Variants in C2CD3 observed in about 807,000 individuals in gnomAD.
C2CD3 encodes the protein C2 domain containing 3 centriole elongation regulator.
C2CD3 carries 148 observed loss-of-function variants against 234.0 expected under a neutral mutation model. That is an observed-to-expected ratio of 0.63 (90% CI 0.55 to 0.72). The LOEUF is 0.72. Ranked by LOEUF, C2CD3 falls within the 30% of genes least tolerant of loss-of-function variation. The pLI is 0.00. For synonymous variants in C2CD3, 1,000 were observed against 1,035.4 expected, an observed-to-expected ratio of 0.97 and a Z score of 0.66; for missense variants, 2,577 against 2,811.5, an observed-to-expected ratio of 0.92 and a Z score of 1.89.
chr11:74,086,110 G>A (rs550665946), intron 20 of C2CD3, among the ~76,000 whole-genome samples: 1 of 152,262 alleles, frequency 6.6e-6, no homozygotes, highest in East Asian at 1.9e-4. Context: ...GCCCATCAGA[G>A]TGACTCTGAG....
intron 20 of C2CD3, among the ~76,000 whole-genome samples, chr11:74,090,050 G>A (rs1211911714): frequency 6.6e-6 from 1 of 152,154 alleles, no homozygotes; most frequent in Non-Finnish European, 1.5e-5. Flanking sequence ...GCAAGACAAA[G>A]GCCTTGAGAG....
intron 12 of C2CD3, 102 bp downstream of exon 12, chr11:74,108,932 G>T: frequency 3.0e-6 from 2 of 670,204 alleles, no homozygotes; most frequent in South Asian, 1.8e-5. Flanking sequence ...TATTAGTACT[G>T]CCTGCACCTG....
chr11:74,121,085 A>G (rs1295033099), intron 8 of C2CD3, among the ~76,000 whole-genome samples: 7 of 152,048 alleles, frequency 4.6e-5, no homozygotes, highest in African/African-American at 1.7e-4. Context: ...TAAAGGGTAT[A>G]AGTGGGAGAT....
Position 74,028,268 on chromosome 11 carries a change from C to A in C2CD3, c.6921+19G>T. The A allele has an allele frequency of 6.7e-7, 1 of 1,485,928 alleles. No individual in the cohort carries two copies. The highest frequency in any genetic ancestry group is 1.2e-5 in the South Asian group (1 of 82,900). 92.0% of individuals were successfully genotyped at this position (1,485,928 alleles called of 1,614,324 possible). On this transcript the variant is annotated intron_variant, in intron 32 of 32. Transcript: ENST00000334126. ...GATGATGACTCTATAGAAGAAAGGT[C>A]AGTTGGCCATTCTCTTACCTGATCT...
intron 11 of C2CD3, among the ~76,000 whole-genome samples, chr11:74,113,041 T>C (rs1956797244): frequency 6.6e-6 from 1 of 152,112 alleles, no homozygotes; most frequent in South Asian, 2.1e-4. Context: ...GAAGTGGAAA[T>C]AACACGAATG....
intron 24 of C2CD3, among the ~76,000 whole-genome samples, chr11:74,063,770 G>A (rs1035623428): frequency 6.6e-6 from 1 of 152,144 alleles, no homozygotes; most frequent in Admixed American, 6.5e-5. Context: ...GTAAGTTCAG[G>A]CCAGGGCAAT....
At chr11:74,084,809 GAGA>G (rs1191133106) in intron 22 of C2CD3, 69 bp downstream of exon 22, 30 of 896,882 alleles carry the variant, frequency 3.3e-5, no homozygotes, top group South Asian at 6.7e-5. Flanking sequence ...ATGAGAGACA[GAGA>G]AGATTACCTC....
intron 3 of C2CD3, among the ~76,000 whole-genome samples, chr11:74,158,658 G>A (rs1856208299): frequency 6.6e-6 from 1 of 151,820 alleles, no homozygotes; most frequent in Non-Finnish European, 1.5e-5. Context: ...GGAGGCGGAG[G>A]TTGTGGGGAG....
chr11:74,163,760 G>T (rs1005112440), intron 2 of C2CD3, among the ~76,000 whole-genome samples: 1 of 152,172 alleles, frequency 6.6e-6, no homozygotes, highest in East Asian at 1.9e-4. Flanking sequence ...AGCAGCATGA[G>T]AATGGACTAA....
chr11:74,065,728 C>G (rs1489456311), intron 24 of C2CD3, among the ~76,000 whole-genome samples: 1 of 149,546 alleles, frequency 6.7e-6, no homozygotes, highest in Non-Finnish European at 1.5e-5. Context: ...GAATACTATG[C>G]AGCCATAAAA....
chr11:74,017,129 C>G (rs548144934), intron 32 of C2CD3, among the ~76,000 whole-genome samples: 11 of 152,210 alleles, frequency 7.2e-5, no homozygotes, highest in Non-Finnish European at 1.5e-4. Flanking sequence ...CAAGACAAAC[C>G]TATTACTAGA....
chr11:74,073,135 T>C (rs1445832450), intron 24 of C2CD3, among the ~76,000 whole-genome samples: 1 of 152,188 alleles, frequency 6.6e-6, no homozygotes, highest in Non-Finnish European at 1.5e-5. Context: ...GCAAGGTCTA[T>C]GGGCCTCTTC....
Position 74,150,121 on chromosome 11 carries a change from C to T in C2CD3, c.484-10293G>A, listed in dbSNP as rs370350842. On this transcript the variant is annotated intron_variant, in intron 3 of 32. Coordinates refer to ENST00000334126, the MANE Select transcript of C2CD3 (RefSeq NM_001286577.2). ...AACTTGCTGAAAGTCTGCTTTCATC[C>T]ACTATGTTGTACTTAATGGACACTT... Among the ~76,000 whole-genome samples the T allele has an allele frequency of 1.4e-3, 210 of 151,176 alleles. 3 individuals are homozygous for T. In the South Asian group the frequency reaches 0.042, roughly 30 times the overall value.
At chr11:74,109,938 G>A (rs1464411252) in intron 11 of C2CD3, among the ~76,000 whole-genome samples, 2 of 145,844 alleles carry the variant, frequency 1.4e-5, no homozygotes, top group Non-Finnish European at 3.0e-5. Context: ...AAAATTAGCT[G>A]GGCGCAGTGG....
chr11:74,064,922 G>C (rs1954435185), intron 24 of C2CD3, among the ~76,000 whole-genome samples: 1 of 152,130 alleles, frequency 6.6e-6, no homozygotes, highest in African/African-American at 2.4e-5. Flanking sequence ...ATTAATTCAA[G>C]ATGGATTAAA....
At chr11:74,046,000 C>T (rs947577841) in intron 28 of C2CD3, among the ~76,000 whole-genome samples, 3 of 152,064 alleles carry the variant, frequency 2.0e-5, no homozygotes, top group East Asian at 1.9e-4. Context: ...CACATAAACC[C>T]GTTTGGGTCA....
chr11:74,089,753 C>A (rs1037744807), intron 20 of C2CD3, among the ~76,000 whole-genome samples: 13 of 152,168 alleles, frequency 8.5e-5, no homozygotes, highest in African/African-American at 2.9e-4. Context: ...GAGGAACTCA[C>A]AGCCTAGTGG....
chr11:74,165,336 T>G (rs1318736219), intron 2 of C2CD3, among the ~76,000 whole-genome samples: 1 of 152,172 alleles, frequency 6.6e-6, no homozygotes. Context: ...AATCTCTTCA[T>G]GCAATAGTGA....
chr11:74,039,179 C>T (rs536272786), intron 29 of C2CD3, among the ~76,000 whole-genome samples: 15 of 152,244 alleles, frequency 9.9e-5, no homozygotes, highest in Admixed American at 8.5e-4. Flanking sequence ...GGGAAATAAG[C>T]AAATCTACTG....
Sources: allele counts gnomAD v4.1 joint callset (sites outside exome capture counted in the v4.1 genomes callset), GRCh38; gene constraint gnomAD v4.1.1; transcripts MANE v1.5; gene names NCBI Gene and HGNC (gene_info 2026-07-23, HGNC 2026-07-21).